SORCS1: variants seen among roughly 807,000 people sequenced by gnomAD.
SORCS1 encodes VPS10 domain-containing receptor SorCS1.
Under a neutral mutation model 146.1 loss-of-function variants are expected in SORCS1, and 60 were observed. That is an observed-to-expected ratio of 0.41 (90% CI 0.33 to 0.51). SORCS1 has a LOEUF of 0.51. Among genes scored for constraint, SORCS1 ranks in the 20% least tolerant of loss-of-function variants. The pLI, the probability that SORCS1 is intolerant of heterozygous loss-of-function variation, is 0.21. For synonymous variants in SORCS1, 637 were observed against 584.0 expected (o/e 1.09, Z -1.31); for missense variants, 1,352 against 1,487.6 (o/e 0.91, Z 1.50).
intron 1 of SORCS1, among the ~76,000 whole-genome samples, chr10:107,113,438 C>T (rs1019621852): frequency 6.6e-6 from 1 of 152,082 alleles, no homozygotes; most frequent in Admixed American, 6.6e-5. Context: ...TCTGTAATCC[C>T]AGCACTTTGG....
intron 3 of SORCS1, among the ~76,000 whole-genome samples, chr10:106,822,008 T>C (rs1948057718): frequency 6.6e-6 from 1 of 151,388 alleles, no homozygotes; most frequent in South Asian, 2.1e-4. Context: ...TTAGCAGATA[T>C]GGGGGACAAG....
At chr10:106,925,618 T>A (rs892536310) in intron 2 of SORCS1, among the ~76,000 whole-genome samples, 2 of 152,196 alleles carry the variant, frequency 1.3e-5, no homozygotes, top group Non-Finnish European at 2.9e-5. Flanking sequence ...TTTTGAGAAG[T>A]AAGAATATTT....
intron 1 of SORCS1, among the ~76,000 whole-genome samples, chr10:106,985,561 TAG>T (rs1956434612): frequency 6.8e-6 from 1 of 147,816 alleles, no homozygotes. Flanking sequence ...TTTTTTGAGA[TAG>T]TCTCACCCTG....
At chr10:106,589,642 A>G (rs1163609561) in intron 24 of SORCS1, among the ~76,000 whole-genome samples, 4 of 140,756 alleles carry the variant, frequency 2.8e-5, no homozygotes, top group Non-Finnish European at 6.1e-5. Context: ...TTTCACTTAT[A>G]TGTTTGATGA....
chr10:106,724,420 T>C (rs889102424), intron 6 of SORCS1, among the ~76,000 whole-genome samples: 42 of 151,794 alleles, frequency 2.8e-4, no homozygotes, highest in African/African-American at 9.9e-4. Flanking sequence ...GGCGAATCAC[T>C]TGAACCCAGG....
At chr10:106,641,319 T>A (rs1280499236) in intron 18 of SORCS1, among the ~76,000 whole-genome samples, 1 of 152,206 alleles carries the variant, frequency 6.6e-6, no homozygotes, top group African/African-American at 2.4e-5. Flanking sequence ...CTTGCACATA[T>A]TAAATCTGTA....
chr10:107,136,996 C>A (rs1470969878), intron 1 of SORCS1, among the ~76,000 whole-genome samples: 1 of 152,176 alleles, frequency 6.6e-6, no homozygotes, highest in Non-Finnish European at 1.5e-5. Context: ...TAGATAAAAT[C>A]TTGTCCAGTG....
intron 1 of SORCS1, among the ~76,000 whole-genome samples, chr10:107,080,587 C>T (rs1171256372): frequency 1.3e-5 from 2 of 152,128 alleles, no homozygotes; most frequent in African/African-American, 4.8e-5. Flanking sequence ...TTATAAAGAG[C>T]TTGGTATGTG....
intron 2 of SORCS1, 49 bp downstream of exon 2, chr10:106,956,464 C>T: frequency 6.5e-7 from 1 of 1,546,922 alleles, no homozygotes; most frequent in South Asian, 1.1e-5. Context: ...CAGTAGCAGG[C>T]ATCATGCTTA....
intron 23 of SORCS1, among the ~76,000 whole-genome samples, chr10:106,602,918 G>C (rs572382449): frequency 6.6e-6 from 1 of 152,128 alleles, no homozygotes; most frequent in South Asian, 2.1e-4. Context: ...GCTCCCTATC[G>C]AGATCTGCCT....
At position 106,706,383 on chromosome 10, in the gene SORCS1, G is replaced by A. The variant is rs1423834073; in HGVS notation, c.1233+162C>T. On this transcript the variant is annotated intron_variant, in intron 8 of 25. Transcript: ENST00000263054. ...GAAACAAGAGGAGGGTAATAGGACT[G>A]ACCAAAGAGACAGTAAGGCAGAGCA... 2.0e-5 allele frequency among the ~76,000 whole-genome samples: 3 copies of A among 152,164 alleles called. No individual in the cohort carries two copies. In the South Asian group the frequency reaches 6.2e-4, roughly 32 times the overall value.
At chr10:106,924,465 C>T (rs1234604721) in intron 2 of SORCS1, among the ~76,000 whole-genome samples, 2 of 77,572 alleles carry the variant, frequency 2.6e-5, no homozygotes, top group African/African-American at 3.9e-5. Context: ...CCACAGTTAT[C>T]GATCTATCTA....
At chr10:106,765,972 G>A (rs201935917) in intron 4 of SORCS1, among the ~76,000 whole-genome samples, 3 of 152,272 alleles carry the variant, frequency 2.0e-5, no homozygotes, top group East Asian at 3.9e-4. Context: ...TTTGTGCTAC[G>A]AGAATTCCAT....
At chr10:106,661,542 C>G (rs2135378141) in intron 17 of SORCS1, among the ~76,000 whole-genome samples, 1 of 152,286 alleles carries the variant, frequency 6.6e-6, no homozygotes, top group Middle Eastern at 3.4e-3. Context: ...TCTTTCTTTA[C>G]TCTAGAGGAG....
intron 8 of SORCS1, among the ~76,000 whole-genome samples, chr10:106,699,892 G>A (rs1854007363): frequency 6.6e-6 from 1 of 152,134 alleles, no homozygotes; most frequent in Non-Finnish European, 1.5e-5. Flanking sequence ...CTCACCTGGT[G>A]AATCAAAATG....
At chr10:106,989,239 C>T (rs1589862625) in intron 1 of SORCS1, among the ~76,000 whole-genome samples, 1 of 141,010 alleles carries the variant, frequency 7.1e-6, no homozygotes. Context: ...CACCACACTC[C>T]AGCCTGGGTG....
chr10:106,599,769 C>CTTTT (rs548263701), intron 23 of SORCS1, among the ~76,000 whole-genome samples: 20 of 144,092 alleles, frequency 1.4e-4, no homozygotes, highest in African/African-American at 4.8e-4. Context: ...TTCTTTCTTT[C>CTTTT]TTTTTTTTTT....
At chr10:106,910,662 C>T (rs929681934) in intron 2 of SORCS1, among the ~76,000 whole-genome samples, 1 of 152,168 alleles carries the variant, frequency 6.6e-6, no homozygotes, top group African/African-American at 2.4e-5. Context: ...CTGAACATAT[C>T]AAATTATTAT....
chr10:106,590,853 C>T (rs986645533), intron 24 of SORCS1, among the ~76,000 whole-genome samples: 2 of 152,126 alleles, frequency 1.3e-5, no homozygotes, highest in Non-Finnish European at 2.9e-5. Flanking sequence ...TGGGATTTCA[C>T]CGTGTTGGTC....
Sources: gnomAD v4.1 joint callset for allele counts (sites outside exome capture counted in the v4.1 genomes callset) on GRCh38, gnomAD v4.1.1 for gene constraint, MANE v1.5 for transcripts, NCBI Gene and HGNC (gene_info 2026-07-23, HGNC 2026-07-21) for gene names.